ELP4: variants seen among roughly 807,000 people sequenced by gnomAD.
The protein encoded by ELP4 is elongator acetyltransferase complex subunit 4.
A neutral mutation model predicts 48.9 loss-of-function variants in ELP4; 51 were observed. The ratio of observed to expected loss-of-function variants is 1.04; its 90% confidence interval spans 0.83 to 1.32. The LOEUF (loss-of-function observed/expected upper bound fraction) is 1.32. Ranked by LOEUF, ELP4 falls within the 40% of genes most tolerant of loss-of-function variation. ELP4 has a pLI of 0.00. For missense variants in ELP4, 519 were observed against 514.6 expected, an observed-to-expected ratio of 1.01 and a Z score of -0.08; for synonymous variants, 210 against 189.2, an observed-to-expected ratio of 1.11 and a Z score of -0.90.
Position 31,790,259 on chromosome 11 carries a change from A to G in ELP4, c.*6735A>G. On this transcript the variant is annotated 3_prime_UTR_variant, in exon 10 of 10. Transcript: ENST00000640961. ...ACCCCCCACCCCAATCCAAAGGAAA[A>G]GAAAAAAAAAATCCTCTGTTTGTTT... 1.9e-6 allele frequency: 1 copy of G among 529,876 alleles called. No individual in the cohort carries two copies. The highest frequency in any genetic ancestry group is 4.2e-5 in the Admixed American group (1 of 23,694). 32.8% of individuals were successfully genotyped at this position (529,876 alleles called of 1,614,324 possible). A position where few individuals can be genotyped will look rare whatever the true frequency, so the allele number is the denominator to read the frequency against.
At chr11:31,710,984 A>G (rs1946731024) in intron 9 of ELP4, among the ~76,000 whole-genome samples, 1 of 152,208 alleles carries the variant, frequency 6.6e-6, no homozygotes, top group Non-Finnish European at 1.5e-5. Flanking sequence ...AGTCCAAATC[A>G]AAAATGATTA....
chr11:31,569,725 C>T (rs1460372377), intron 3 of ELP4, among the ~76,000 whole-genome samples: 2 of 151,478 alleles, frequency 1.3e-5, no homozygotes, highest in Admixed American at 6.6e-5. Context: ...GACTCTGTCT[C>T]AAAAAAAGGA....
At chr11:31,708,920 A>G (rs748738497) in intron 9 of ELP4, among the ~76,000 whole-genome samples, 32 of 152,262 alleles carry the variant, frequency 2.1e-4, no homozygotes, top group Admixed American at 1.1e-3. Flanking sequence ...TAAAAATGTT[A>G]TTTAATTCCC....
chr11:31,790,259 AG>A lies in ELP4; in HGVS notation c.*6736del. The stretch of plus-strand genomic sequence containing the variant: ...ACCCCCCACCCCAATCCAAAGGAAA[AG>A]AAAAAAAAAATCCTCTGTTTGTTTG... On this transcript the variant is annotated 3_prime_UTR_variant, in exon 10 of 10. Coordinates refer to ENST00000640961, the MANE Select transcript of ELP4 (RefSeq NM_019040.5). The A allele has an allele frequency of 3.8e-6, 2 of 529,872 alleles. No homozygotes were observed. Among genetic ancestry groups the A allele is most frequent in the Non-Finnish European group, 6.1e-6 (2 of 327,012 alleles). 32.8% of individuals were successfully genotyped at this position (529,872 alleles called of 1,614,324 possible). A position where few individuals can be genotyped will look rare whatever the true frequency, so the allele number is the denominator to read the frequency against.
intron 9 of ELP4, among the ~76,000 whole-genome samples, chr11:31,776,793 A>G (rs1475216276): frequency 2.0e-5 from 3 of 152,242 alleles, no homozygotes; most frequent in East Asian, 3.8e-4. Flanking sequence ...AGGATATAGT[A>G]TGATTATGAC....
At chr11:31,774,836 G>C (rs1948213719) in intron 9 of ELP4, among the ~76,000 whole-genome samples, 1 of 152,164 alleles carries the variant, frequency 6.6e-6, no homozygotes, top group South Asian at 2.1e-4. Context: ...TTATTGCAGA[G>C]ATCCAAAAAC....
At chr11:31,754,084 C>T (rs977336174) in intron 9 of ELP4, among the ~76,000 whole-genome samples, 11 of 152,160 alleles carry the variant, frequency 7.2e-5, no homozygotes, top group Admixed American at 1.3e-4. Flanking sequence ...TGCCCCAAAT[C>T]TAGCCACTTC....
intron 2 of ELP4, among the ~76,000 whole-genome samples, chr11:31,535,764 C>T (rs538911805): frequency 1.3e-5 from 2 of 152,298 alleles, no homozygotes; most frequent in South Asian, 2.1e-4. Context: ...TTTCCTGGCC[C>T]CAAGCACCTA....
intron 3 of ELP4, among the ~76,000 whole-genome samples, chr11:31,551,149 C>A (rs546521433): frequency 6.6e-6 from 1 of 152,272 alleles, no homozygotes; most frequent in South Asian, 2.1e-4. Flanking sequence ...ATTTTTTAGT[C>A]AGAACTGTGT....
intron 9 of ELP4, among the ~76,000 whole-genome samples, chr11:31,778,566 A>G (rs767528425): frequency 1.3e-5 from 2 of 152,250 alleles, no homozygotes; most frequent in Non-Finnish European, 2.9e-5. Context: ...TAAATAAATT[A>G]GTGTAGAACT....
chr11:31,712,167 C>T (rs907396076), intron 9 of ELP4, among the ~76,000 whole-genome samples: 5 of 151,864 alleles, frequency 3.3e-5, no homozygotes, highest in Non-Finnish European at 5.9e-5. Flanking sequence ...CCTTTAATTT[C>T]ACTAACTATG....
intron 3 of ELP4, among the ~76,000 whole-genome samples, chr11:31,552,426 A>G (rs1413170915): frequency 5.3e-5 from 8 of 152,108 alleles, no homozygotes; most frequent in Admixed American, 3.9e-4. Context: ...CCTACAGTAC[A>G]TATTACTTTA....
chr11:31,644,094 A>T (rs1945153513), intron 7 of ELP4, among the ~76,000 whole-genome samples: 1 of 151,730 alleles, frequency 6.6e-6, no homozygotes, highest in Admixed American at 6.6e-5. Flanking sequence ...CAGAGCTGAC[A>T]ACTCTCACCC....
intron 1 of ELP4, chr11:31,510,416 G>C (rs538480883): frequency 3.1e-5 from 13 of 415,554 alleles, no homozygotes; most frequent in Non-Finnish European, 3.0e-5. Context: ...ATAATTGTGA[G>C]AGACAGACTT....
intron 5 of ELP4, among the ~76,000 whole-genome samples, chr11:31,604,501 A>G (rs1957836694): frequency 6.6e-6 from 1 of 151,938 alleles, no homozygotes; most frequent in Non-Finnish European, 1.5e-5. Context: ...CATTATTAAG[A>G]CAAAACTCTG....
At chr11:31,603,629 TTTAC>T (rs1957819961) in intron 4 of ELP4, 135 bp from the exon 5 acceptor site, 2 of 675,372 alleles carry the variant, frequency 3.0e-6, no homozygotes, top group East Asian at 5.8e-5. Context: ...TTCTTTGAAA[TTTAC>T]TTAGTGTATG....
At chr11:31,559,453 T>C (rs557973144) in intron 3 of ELP4, among the ~76,000 whole-genome samples, 2 of 152,332 alleles carry the variant, frequency 1.3e-5, no homozygotes, top group South Asian at 2.1e-4. Context: ...GTAGATGATA[T>C]TAAACTAAGA....
intron 9 of ELP4, among the ~76,000 whole-genome samples, chr11:31,668,829 C>T (rs886091735): frequency 6.6e-6 from 1 of 151,866 alleles, no homozygotes; most frequent in Non-Finnish European, 1.5e-5. Context: ...ATTGAACTTA[C>T]AAGGACTAAT....
At chr11:31,768,143 C>G (rs1948076512) in intron 9 of ELP4, among the ~76,000 whole-genome samples, 1 of 151,774 alleles carries the variant, frequency 6.6e-6, no homozygotes, top group Non-Finnish European at 1.5e-5. Context: ...CTAAATTTTA[C>G]CAAAGCTATT....
Sources: gnomAD v4.1 joint callset for allele counts (sites outside exome capture counted in the v4.1 genomes callset) on GRCh38, gnomAD v4.1.1 for gene constraint, MANE v1.5 for transcripts, NCBI Gene and HGNC (gene_info 2026-07-23, HGNC 2026-07-21) for gene names.